The following DDX10 variants were observed in gnomAD, a reference collection of about 807,000 sequenced individuals.
The protein encoded by DDX10 is DEAD-box helicase 10.
DDX10 carries 74 observed loss-of-function variants against 104.3 expected under a neutral mutation model. The observed-to-expected ratio is 0.71, with a 90% CI of 0.59 to 0.86. DDX10 has a LOEUF of 0.86. DDX10 is among the 40% of genes least tolerant of loss of function. The probability of loss-of-function intolerance (pLI) is 0.00; values close to 1 mark genes in which losing one functional copy is unlikely to be tolerated. For synonymous variants in DDX10, 351 were observed against 353.4 expected, an observed-to-expected ratio of 0.99 and a Z score of 0.08; for missense variants, 952 against 1,040.0, an observed-to-expected ratio of 0.92 and a Z score of 1.16.
At chr11:108,746,250 A>C (rs1219822891) in intron 13 of DDX10, among the ~76,000 whole-genome samples, 2 of 151,860 alleles carry the variant, frequency 1.3e-5, no homozygotes, top group Admixed American at 6.6e-5. Flanking sequence ...ATATAGATTT[A>C]CTTATTCTGG....
chr11:108,840,923 G>GCC (rs1862628505), intron 14 of DDX10, among the ~76,000 whole-genome samples: 1 of 152,178 alleles, frequency 6.6e-6, no homozygotes, highest in Non-Finnish European at 1.5e-5. Context: ...TGGGTACCAT[G>GCC]GAAGCCCAAA....
intron 2 of DDX10, among the ~76,000 whole-genome samples, 171 bp from the exon 3 acceptor site, chr11:108,675,425 G>A (rs2094223166): frequency 6.7e-6 from 1 of 149,710 alleles, no homozygotes; most frequent in Non-Finnish European, 1.5e-5. Flanking sequence ...CCCCTATGGG[G>A]CTCTAACTTA....
Position 108,754,117 on chromosome 11 carries a change from T to C in DDX10, c.1965+30655T>C, listed in dbSNP as rs1413856408. Among the ~76,000 whole-genome samples, 3 of 152,192 alleles carry C rather than the reference T, an allele frequency of 2.0e-5. No homozygotes were observed. The South Asian group carries it at 6.2e-4, about 32-fold the overall frequency. ...TTGCAACAAAGTAATAGGCTTTCTA[T>C]AATGGCCTGTTTTCTGTTCAGATTT... On this transcript the variant is annotated intron_variant, in intron 13 of 17. Transcript: ENST00000322536.
rs927421974 is a variant in DDX10, at chr11:108,760,287, C to A, written c.1965+36825C>A. 2.0e-5 allele frequency among the ~76,000 whole-genome samples: 3 copies of A among 151,890 alleles called. No homozygotes were observed. The South Asian group carries it at 6.2e-4, about 32-fold the overall frequency. ...CTCTACAGAACATTGGCATAGCTTC[C>A]TAGATTCCTTGGTGGGTTAGTGTGT... On this transcript the variant is annotated intron_variant, in intron 13 of 17. Transcript: ENST00000322536.
chr11:108,730,267 C>CAG (rs917211322), intron 13 of DDX10, among the ~76,000 whole-genome samples: 2 of 152,176 alleles, frequency 1.3e-5, no homozygotes, highest in African/African-American at 4.8e-5. Flanking sequence ...GGTTCAGCTT[C>CAG]ACCTCTTAGA....
chr11:108,826,141 A>T (rs1862392489), intron 13 of DDX10, among the ~76,000 whole-genome samples: 1 of 152,220 alleles, frequency 6.6e-6, no homozygotes, highest in Non-Finnish European at 1.5e-5. Context: ...TATTTTTAAA[A>T]TGAAGCTATG....
At chr11:108,874,198 T>C (rs1448915998) in intron 16 of DDX10, among the ~76,000 whole-genome samples, 2 of 152,192 alleles carry the variant, frequency 1.3e-5, no homozygotes, top group Non-Finnish European at 2.9e-5. Flanking sequence ...CCGTGTGTGA[T>C]GATGATTAAA....
intron 16 of DDX10, among the ~76,000 whole-genome samples, chr11:108,902,820 G>A (rs990937283): frequency 2.0e-5 from 3 of 152,050 alleles, no homozygotes; most frequent in Non-Finnish European, 2.9e-5. Flanking sequence ...AAATTAAAGA[G>A]AATTTTTACA....
intron 6 of DDX10, among the ~76,000 whole-genome samples, chr11:108,688,117 C>T (rs949253064): frequency 1.3e-5 from 2 of 152,082 alleles, no homozygotes; most frequent in African/African-American, 4.8e-5. Flanking sequence ...ACTGCAAGTC[C>T]CTACTGATGG....
At chr11:108,859,230 C>T (rs1366593344) in intron 16 of DDX10, among the ~76,000 whole-genome samples, 1 of 152,160 alleles carries the variant, frequency 6.6e-6, no homozygotes, top group Admixed American at 6.5e-5. Context: ...GGAAATTTTT[C>T]AGGAAACAAG....
At chr11:108,785,184 C>T (rs1349774256) in intron 13 of DDX10, among the ~76,000 whole-genome samples, 2 of 152,086 alleles carry the variant, frequency 1.3e-5, no homozygotes, top group Admixed American at 1.3e-4. Flanking sequence ...TTGAAATGAT[C>T]ATATGATTTT....
intron 14 of DDX10, among the ~76,000 whole-genome samples, chr11:108,840,973 G>T (rs1862629431): frequency 6.6e-6 from 1 of 152,170 alleles, no homozygotes; most frequent in African/African-American, 2.4e-5. Flanking sequence ...GACTCCTACT[G>T]TGTGCAGATA....
At chr11:108,722,875 T>A (rs2094300010) in intron 12 of DDX10, 122 bp from the exon 13 acceptor site, 4 of 1,414,924 alleles carry the variant, frequency 2.8e-6, no homozygotes, top group Non-Finnish European at 3.7e-6. Flanking sequence ...GAGTTGTATC[T>A]CACAGGAACA....
intron 16 of DDX10, among the ~76,000 whole-genome samples, chr11:108,888,391 A>C (rs1178927385): frequency 1.3e-5 from 2 of 152,142 alleles, no homozygotes; most frequent in Non-Finnish European, 2.9e-5. Flanking sequence ...ATGTTGGCCA[A>C]AGAGTCCCCT....
intron 16 of DDX10, among the ~76,000 whole-genome samples, chr11:108,857,791 C>T (rs1400371642): frequency 6.6e-6 from 1 of 152,186 alleles, no homozygotes; most frequent in Non-Finnish European, 1.5e-5. Context: ...AAGCATTAGG[C>T]CATAGGTCAT....
At position 108,901,253 on chromosome 11, in the gene DDX10, A is replaced by G. The variant is rs144282389; in HGVS notation, c.2305-16620A>G. On this transcript the variant is annotated intron_variant, in intron 16 of 17. Coordinates refer to ENST00000322536, the MANE Select transcript of DDX10 (RefSeq NM_004398.4). ...TTTGTATTCCCCAAAGTCCCTTACC[A>G]TGCGTACATCATGCATAGTAAGCAC... Among the ~76,000 whole-genome samples the G allele has an allele frequency of 4.5e-3, 687 of 152,338 alleles. 5 individuals are homozygous for G. The highest frequency in any genetic ancestry group is 7.1e-3 in the Non-Finnish European group (485 of 68,020).
intron 13 of DDX10, among the ~76,000 whole-genome samples, chr11:108,744,537 AG>A (rs1482974354): frequency 6.6e-6 from 1 of 152,204 alleles, no homozygotes; most frequent in Admixed American, 6.5e-5. Context: ...CTTTATGCAG[AG>A]TGGGTTAGCC....
chr11:108,816,239 TC>T (rs1190411859), intron 13 of DDX10, among the ~76,000 whole-genome samples: 1 of 152,184 alleles, frequency 6.6e-6, no homozygotes, highest in African/African-American at 2.4e-5. Context: ...CTACGTATGC[TC>T]CCTAGGCAAA....
chr11:108,914,835 T>TA (rs10624451), intron 16 of DDX10, among the ~76,000 whole-genome samples: 47,656 of 144,222 alleles, frequency 0.33, 8,005 homozygotes, highest in East Asian at 0.52. Flanking sequence ...TGGTAACCAT[T>TA]AAAAAAAAAA....
Sources: gnomAD v4.1 joint callset for allele counts (sites outside exome capture counted in the v4.1 genomes callset) on GRCh38, gnomAD v4.1.1 for gene constraint, MANE v1.5 for transcripts, NCBI Gene and HGNC (gene_info 2026-07-23, HGNC 2026-07-21) for gene names.